LDB2: variants seen among roughly 807,000 people sequenced by gnomAD.
LDB2 encodes the protein LIM domain-binding protein 2.
Under a neutral mutation model 44.3 loss-of-function variants are expected in LDB2, and 12 were observed. The observed-to-expected ratio is 0.27, with a 90% CI of 0.17 to 0.44. The LOEUF is 0.44. Among genes scored for constraint, LDB2 ranks in the 20% least tolerant of loss-of-function variants. The pLI is 1.00. For synonymous variants in LDB2, 164 were observed against 174.8 expected, an observed-to-expected ratio of 0.94 and a Z score of 0.49; for missense variants, 344 against 473.5, an observed-to-expected ratio of 0.73 and a Z score of 2.54.
At chr4:16,682,252 T>TA (rs1216756336) in intron 2 of LDB2, among the ~76,000 whole-genome samples, 11 of 151,084 alleles carry the variant, frequency 7.3e-5, no homozygotes, top group African/African-American at 1.7e-4. Context: ...TAGTTAAAAT[T>TA]TAAAAAATCC....
Position 16,621,613 on chromosome 4 carries a change from T to C in LDB2, c.236-25738A>G, listed in dbSNP as rs369363509. Among the ~76,000 whole-genome samples the C allele has an allele frequency of 2.0e-4, 30 of 152,198 alleles. No individual in the cohort carries two copies. In the East Asian group the frequency reaches 5.2e-3, roughly 26 times the overall value. Reference sequence around the variant, plus strand: ...TGTTACCCTGACGAGAATGCAGAGGTGCAATCATAGTTCACTGCAACCCTG... The same window carrying C: ...TGTTACCCTGACGAGAATGCAGAGGCGCAATCATAGTTCACTGCAACCCTG... On this transcript the variant is annotated intron_variant, in intron 2 of 7. Transcript: ENST00000304523.
intron 2 of LDB2, among the ~76,000 whole-genome samples, chr4:16,744,024 G>A (rs1417606152): frequency 6.6e-6 from 1 of 152,170 alleles, no homozygotes; most frequent in Non-Finnish European, 1.5e-5. Context: ...AAAATATTTT[G>A]AAGATGATTC....
chr4:16,552,529 C>A (rs1738044169), intron 5 of LDB2, among the ~76,000 whole-genome samples: 1 of 152,146 alleles, frequency 6.6e-6, no homozygotes, highest in African/African-American at 2.4e-5. Flanking sequence ...TGAACACAGA[C>A]TCCCTCAGAG....
rs1054201201 is a variant in LDB2, at chr4:16,545,247, G to T, written c.616-33143C>A. ...CTCCCTCCCTTCCTTCTGTCTTTCA[G>T]TTTCCCGTTAGTCTGAGATCCTGCA... On this transcript the variant is annotated intron_variant, in intron 5 of 7. Coordinates refer to ENST00000304523, the MANE Select transcript of LDB2 (RefSeq NM_001290.5). Among the ~76,000 whole-genome samples the T allele has an allele frequency of 2.1e-5, 3 of 144,112 alleles. No individual in the cohort carries two copies. In the Admixed American group the frequency reaches 2.2e-4, roughly 10 times the overall value. 94.5% of individuals were successfully genotyped at this position (144,112 alleles called of 152,430 possible).
intron 5 of LDB2, among the ~76,000 whole-genome samples, chr4:16,576,135 A>G (rs959759513): frequency 6.6e-6 from 1 of 152,240 alleles, no homozygotes; most frequent in African/African-American, 2.4e-5. Context: ...GCCCACATCA[A>G]CGAAGAACAA....
chr4:16,800,726 G>A (rs958792244), intron 1 of LDB2, among the ~76,000 whole-genome samples: 1 of 152,238 alleles, frequency 6.6e-6, no homozygotes, highest in East Asian at 1.9e-4. Context: ...CCAGGCTGGA[G>A]TGCAGTGGCG....
At chr4:16,844,086 C>CT (rs1554045916) in intron 1 of LDB2, among the ~76,000 whole-genome samples, 1 of 75,450 alleles carries the variant, frequency 1.3e-5, no homozygotes, top group Non-Finnish European at 2.7e-5. Flanking sequence ...GACCCCATCT[C>CT]TAAAAAAAAA....
chr4:16,858,403 C>T lies in LDB2; in HGVS notation c.132+39951G>A, dbSNP rs181217411. Among the ~76,000 whole-genome samples, 10 of 152,322 alleles carry T rather than the reference C, an allele frequency of 6.6e-5. No individual in the cohort carries two copies. In the East Asian group the frequency reaches 7.7e-4, roughly 12 times the overall value. On this transcript the variant is annotated intron_variant, in intron 1 of 7. Transcript: ENST00000304523. The stretch of plus-strand genomic sequence containing the variant: ...TGCAAGAATTCCCCCTGCAACTAGA[C>T]GAGCCAGTGGTTGGGCTTCCAGAGA...
chr4:16,691,242 T>C (rs577394530), intron 2 of LDB2, among the ~76,000 whole-genome samples: 6 of 152,272 alleles, frequency 3.9e-5, no homozygotes, highest in African/African-American at 1.4e-4. Context: ...CTACCTCTTT[T>C]ATGTGAAAAG....
At chr4:16,576,984 T>A (rs1195036874) in intron 5 of LDB2, among the ~76,000 whole-genome samples, 1 of 152,166 alleles carries the variant, frequency 6.6e-6, no homozygotes, top group South Asian at 2.1e-4. Flanking sequence ...ACGAAAGCCA[T>A]ACGATCATTT....
intron 1 of LDB2, among the ~76,000 whole-genome samples, chr4:16,889,690 A>G (rs910737749): frequency 1.3e-5 from 2 of 152,242 alleles, no homozygotes; most frequent in African/African-American, 4.8e-5. Context: ...GCCATGTGCT[A>G]TATAGGGCAC....
At chr4:16,868,836 T>G (rs967982636) in intron 1 of LDB2, among the ~76,000 whole-genome samples, 1 of 152,168 alleles carries the variant, frequency 6.6e-6, no homozygotes, top group Non-Finnish European at 1.5e-5. Context: ...GTGTTGGTAA[T>G]GATGTTGGTG....
intron 1 of LDB2, among the ~76,000 whole-genome samples, chr4:16,765,202 T>G (rs1768930631): frequency 6.6e-6 from 1 of 151,716 alleles, no homozygotes; most frequent in South Asian, 2.1e-4. Context: ...TAAAAGAGAG[T>G]CTATCCAGAG....
chr4:16,595,677 G>A, intron 3 of LDB2, 26 bp downstream of exon 3: 1 of 1,599,834 alleles, frequency 6.3e-7, no homozygotes, highest in Non-Finnish European at 8.5e-7. Flanking sequence ...GGAAAAGCCG[G>A]GCATGTGACA....
intron 5 of LDB2, among the ~76,000 whole-genome samples, chr4:16,514,832 G>A (rs1368817703): frequency 1.3e-5 from 2 of 152,148 alleles, no homozygotes; most frequent in African/African-American, 4.8e-5. Context: ...GGAAAAACCT[G>A]TGAAAAAGGC....
chr4:16,842,251 CA>C (rs1786029080), intron 1 of LDB2, among the ~76,000 whole-genome samples: 1 of 152,102 alleles, frequency 6.6e-6, no homozygotes, highest in African/African-American at 2.4e-5. Context: ...GTGCAAATTA[CA>C]GTGGTTTCCT....
rs16893783 is a variant in LDB2 at position 16,685,071 on chromosome 4, C to T, written c.235+74087G>A. Among the ~76,000 whole-genome samples the T allele has an allele frequency of 3.3e-3, 496 of 152,268 alleles. 6 individuals are homozygous for T. The East Asian group carries it at 0.035, about 11-fold the overall frequency. On this transcript the variant is annotated intron_variant, in intron 2 of 7. Coordinates refer to ENST00000304523, the MANE Select transcript of LDB2 (RefSeq NM_001290.5). Reference sequence around the variant, plus strand: ...AAATGGAAAATCTTGTCATGTATAGCTTGGAAAGGGCCTCAGTTTTCCTCT... The same window carrying T: ...AAATGGAAAATCTTGTCATGTATAGTTTGGAAAGGGCCTCAGTTTTCCTCT...
chr4:16,837,945 G>C (rs1274567966), intron 1 of LDB2, among the ~76,000 whole-genome samples: 1 of 152,236 alleles, frequency 6.6e-6, no homozygotes, highest in Admixed American at 6.5e-5. Context: ...TCTGTAAAAA[G>C]TATAAAACTT....
intron 1 of LDB2, among the ~76,000 whole-genome samples, chr4:16,830,100 A>C (rs1014964534): frequency 6.6e-6 from 1 of 151,998 alleles, no homozygotes; most frequent in Non-Finnish European, 1.5e-5. Context: ...ACAGAGCAAG[A>C]CTCCATCTCA....
Sources: gnomAD v4.1 joint callset for allele counts (sites outside exome capture counted in the v4.1 genomes callset) on GRCh38, gnomAD v4.1.1 for gene constraint, MANE v1.5 for transcripts, NCBI Gene and HGNC (gene_info 2026-07-23, HGNC 2026-07-21) for gene names.